ROBO2: variants seen among roughly 807,000 people sequenced by gnomAD.
ROBO2 encodes roundabout homolog 2.
Under a neutral mutation model 160.8 loss-of-function variants are expected in ROBO2, and 53 were observed. The observed-to-expected ratio is 0.33, with a 90% CI of 0.26 to 0.41. ROBO2 has a LOEUF of 0.41. ROBO2 is among the 10% of genes least tolerant of loss of function. The pLI, the probability that ROBO2 is intolerant of heterozygous loss-of-function variation, is 1.00. For missense variants in ROBO2, 1,577 were observed against 1,722.4 expected (o/e 0.92, Z 1.49); for synonymous variants, 664 against 611.7 (o/e 1.09, Z -1.26).
intron 2 of ROBO2, among the ~76,000 whole-genome samples, chr3:77,110,811 A>T (rs915589517): frequency 6.6e-6 from 1 of 151,896 alleles, no homozygotes; most frequent in Admixed American, 6.6e-5. Flanking sequence ...CTTCCACCTC[A>T]GTCTTCCCAG....
exon 12 of ROBO2, chr3:77,565,107 T>C (rs1273836428): frequency 6.2e-7 from 1 of 1,613,634 alleles, no homozygotes; most frequent in South Asian, 1.1e-5. Context: ...TGTCAGATCC[T>C]GTGCGCACAC....
chr3:77,568,478 G>A lies in ROBO2; in HGVS notation c.1971+44G>A, dbSNP rs369504577. The A allele has an allele frequency of 5.2e-5, 83 of 1,609,606 alleles. No individual in the cohort carries two copies. The South Asian group carries it at 7.7e-4, about 15-fold the overall frequency. Reference sequence around the variant, plus strand: ...TGTTAATAGTAATCTCTTCTCTTTCGGGAAAGCAAAACATGGAAAATGCAA... The same window carrying A: ...TGTTAATAGTAATCTCTTCTCTTTCAGGAAAGCAAAACATGGAAAATGCAA... On this transcript the variant is annotated intron_variant, in intron 13 of 25. Coordinates refer to ENST00000461745, the Ensembl canonical transcript of ROBO2.
chr3:75,988,933 T>A (rs1207586935), intron 2 of ROBO2, among the ~76,000 whole-genome samples: 4 of 150,448 alleles, frequency 2.7e-5, no homozygotes, highest in African/African-American at 7.5e-5. Context: ...ATTATTACTA[T>A]TAATATAAGT....
At chr3:76,137,568 G>GGC (rs2071477384) in intron 2 of ROBO2, among the ~76,000 whole-genome samples, 1 of 150,254 alleles carries the variant, frequency 6.7e-6, no homozygotes, top group Admixed American at 6.6e-5. Context: ...GCCTCAAAGA[G>GGC]TAATGTTCAT....
At chr3:77,646,674 C>G (rs2095414617) in exon 26 of ROBO2, 1 of 152,154 alleles carries the variant, frequency 6.6e-6, no homozygotes, top group Admixed American at 6.6e-5. Context: ...ATGGTGTTGG[C>G]AAAGTCTTCT....
chr3:77,033,826 T>G (rs966835032), intron 2 of ROBO2, among the ~76,000 whole-genome samples: 2 of 152,020 alleles, frequency 1.3e-5, no homozygotes, highest in African/African-American at 4.8e-5. Flanking sequence ...GTATGGCAAA[T>G]ATATATTAGA....
At chr3:76,081,317 C>T (rs1450994050) in intron 2 of ROBO2, among the ~76,000 whole-genome samples, 6 of 151,948 alleles carry the variant, frequency 3.9e-5, no homozygotes, top group African/African-American at 1.5e-4. Context: ...AGCTCTACTT[C>T]CTAATAGATA....
At position 77,164,077 on chromosome 3, in the gene ROBO2, T is replaced by C. The variant is rs563889774; in HGVS notation, c.388+65737T>C. Among the ~76,000 whole-genome samples the C allele has an allele frequency of 1.2e-3, 176 of 152,318 alleles. 1 individual carries two copies. Among genetic ancestry groups the C allele is most frequent in the Non-Finnish European group, 2.3e-3 (155 of 68,022 alleles). On this transcript the variant is annotated intron_variant, in intron 2 of 25. Coordinates refer to ENST00000461745, the Ensembl canonical transcript of ROBO2. The stretch of plus-strand genomic sequence containing the variant: ...GATGTGTAGAGATGCTACATGAATG[T>C]TGATACTCTGGTTGTGATATTGTGC...
At chr3:76,434,269 C>G (rs2076568099) in intron 2 of ROBO2, 2 of 999,148 alleles carry the variant, frequency 2.0e-6, no homozygotes, top group Non-Finnish European at 3.2e-6. Flanking sequence ...GTTACAGATT[C>G]TCAGTGTCAA....
At chr3:77,279,414 C>A (rs963836516) in intron 2 of ROBO2, among the ~76,000 whole-genome samples, 1 of 152,032 alleles carries the variant, frequency 6.6e-6, no homozygotes, top group Non-Finnish European at 1.5e-5. Flanking sequence ...TTGTAATTAA[C>A]AAATTAGCAT....
chr3:77,300,295 T>A (rs1355603449), intron 2 of ROBO2, among the ~76,000 whole-genome samples: 1 of 151,938 alleles, frequency 6.6e-6, no homozygotes, highest in African/African-American at 2.4e-5. Context: ...GAAAGAGTTA[T>A]TTGGAGAGTT....
chr3:76,301,704 C>G (rs907109799), intron 2 of ROBO2, among the ~76,000 whole-genome samples: 4 of 152,034 alleles, frequency 2.6e-5, no homozygotes, highest in African/African-American at 9.7e-5. Flanking sequence ...TAGTTTCCCC[C>G]CAAAATGTAT....
chr3:77,640,096 C>CTTTT (rs1559785171), intron 24 of ROBO2, among the ~76,000 whole-genome samples: 10 of 97,472 alleles, frequency 1.0e-4, no homozygotes, highest in African/African-American at 1.3e-4. Flanking sequence ...GCAGAGGAAG[C>CTTTT]ATTTTTTTTT....
chr3:77,464,684 A>ATT (rs5850332), intron 2 of ROBO2, among the ~76,000 whole-genome samples: 6,049 of 151,512 alleles, frequency 0.04, 402 homozygotes, highest in African/African-American at 0.14. Flanking sequence ...AATGTTGAAG[A>ATT]TTTTTTTTTA....
chr3:76,172,785 A>T (rs758617291), intron 2 of ROBO2, among the ~76,000 whole-genome samples: 9 of 152,294 alleles, frequency 5.9e-5, no homozygotes, highest in South Asian at 4.1e-4. Context: ...TAAAAAATAG[A>T]AATTCTTGCT....
At chr3:76,323,138 TAC>T (rs71874425) in intron 2 of ROBO2, among the ~76,000 whole-genome samples, 36,870 of 143,810 alleles carry the variant, frequency 0.26, 4,697 homozygotes, top group Non-Finnish European at 0.3. Context: ...TTGTTAGTAT[TAC>T]ACACACACAC....
chr3:76,314,974 A>C (rs1262882929), intron 2 of ROBO2, among the ~76,000 whole-genome samples: 1 of 152,156 alleles, frequency 6.6e-6, no homozygotes, highest in Non-Finnish European at 1.5e-5. Context: ...GCTACTATTA[A>C]AGGTACAAAT....
chr3:76,667,215 C>A (rs887380411), intron 2 of ROBO2, among the ~76,000 whole-genome samples: 2 of 152,058 alleles, frequency 1.3e-5, no homozygotes, highest in Non-Finnish European at 2.9e-5. Context: ...CTCAAAGAGA[C>A]TTTTGGGGTT....
Position 76,397,661 on chromosome 3 carries a change from G to A in ROBO2, c.109+460059G>A, listed in dbSNP as rs1398218360. On this transcript the variant is annotated intron_variant, in intron 2 of 26. Transcript: ENST00000487694. ...CAAACAACCCCATCAAAAAGTGGGCGAAGGACATGAACAGACACTTCTCAA... is the reference window on the plus strand; with the variant it reads ...CAAACAACCCCATCAAAAAGTGGGCAAAGGACATGAACAGACACTTCTCAA... Among the ~76,000 whole-genome samples the A allele has an allele frequency of 3.7e-4, 56 of 151,980 alleles. 1 individual carries two copies. The highest frequency in any genetic ancestry group is 1.0e-3 in the South Asian group (5 of 4,830).
Sources: gnomAD v4.1 joint callset for allele counts (sites outside exome capture counted in the v4.1 genomes callset) on GRCh38, gnomAD v4.1.1 for gene constraint, MANE v1.5 for transcripts, NCBI Gene and HGNC (gene_info 2026-07-23, HGNC 2026-07-21) for gene names.